The following FAT3 variants were observed in gnomAD, a reference collection of about 807,000 sequenced individuals.
FAT3 encodes the protein FAT atypical cadherin 3, also known as protocadherin Fat 3.
FAT3 carries 95 observed loss-of-function variants against 310.2 expected under a neutral mutation model. That is an observed-to-expected ratio of 0.31 (90% confidence interval 0.26 to 0.36). The LOEUF is 0.36. FAT3 is among the 10% of genes least tolerant of loss of function. The pLI is 1.00. For missense variants in FAT3, 5,408 were observed against 5,715.6 expected, an observed-to-expected ratio of 0.95 and a Z score of 1.74; for synonymous variants, 2,314 against 2,192.9, an observed-to-expected ratio of 1.06 and a Z score of -1.54.
chr11:92,645,388 TG>T (rs1942112806), intron 3 of FAT3, among the ~76,000 whole-genome samples: 1 of 152,120 alleles, frequency 6.6e-6, no homozygotes, highest in Non-Finnish European at 1.5e-5. Context: ...CATTCTACGC[TG>T]GTTAGGGAAT....
intron 3 of FAT3, among the ~76,000 whole-genome samples, chr11:92,550,034 A>C (rs1954752278): frequency 6.6e-6 from 1 of 152,144 alleles, no homozygotes; most frequent in Admixed American, 6.5e-5. Context: ...GATTAATCCC[A>C]CTTCTGATAT....
At chr11:92,824,122 T>A (rs4237553) in intron 13 of FAT3, among the ~76,000 whole-genome samples, 2 of 151,976 alleles carry the variant, frequency 1.3e-5, no homozygotes, top group Admixed American at 6.6e-5. Flanking sequence ...TTTGGGAGGC[T>A]GAGGTGGGTG....
At chr11:92,679,301 T>C (rs1030580297) in intron 3 of FAT3, among the ~76,000 whole-genome samples, 3 of 152,090 alleles carry the variant, frequency 2.0e-5, no homozygotes, top group Non-Finnish European at 2.9e-5. Flanking sequence ...ATTTATTTAT[T>C]TATTGGAAGA....
chr11:92,240,269 T>G (rs1476038509), intron 1 of FAT3, among the ~76,000 whole-genome samples: 2 of 152,094 alleles, frequency 1.3e-5, no homozygotes, highest in African/African-American at 4.8e-5. Flanking sequence ...GAAGTGAACT[T>G]GTGACATTTA....
At chr11:92,732,855 A>T (rs998488606) in intron 4 of FAT3, among the ~76,000 whole-genome samples, 3 of 152,178 alleles carry the variant, frequency 2.0e-5, no homozygotes, top group Non-Finnish European at 4.4e-5. Flanking sequence ...TCCAAGGGAC[A>T]GTTTGATAAG....
intron 3 of FAT3, among the ~76,000 whole-genome samples, chr11:92,639,959 G>A (rs918217397): frequency 1.3e-5 from 2 of 152,102 alleles, no homozygotes; most frequent in African/African-American, 2.4e-5. Flanking sequence ...TTTCCCTAAT[G>A]GCTTATACAT....
In FAT3 at chr11:92,375,043, G is replaced by GCA. The variant is rs577990563; in HGVS notation, c.3292+19653_3292+19654dup. Among the ~76,000 whole-genome samples the GCA allele has an allele frequency of 2.0e-3, 304 of 151,196 alleles. 3 individuals carry two copies. In the East Asian group the frequency reaches 0.022, roughly 11 times the overall value. On this transcript the variant is annotated intron_variant, in intron 2 of 27. Transcript: ENST00000525166. ...TGCTGACCTGTTTAATAAAACATGC[G>GCA]CACACACACACACACCATACCTAAA...
intron 3 of FAT3, among the ~76,000 whole-genome samples, chr11:92,697,156 G>A (rs533786451): frequency 7.7e-4 from 117 of 152,242 alleles, no homozygotes; most frequent in Non-Finnish European, 1.5e-3. Flanking sequence ...CCCAAAGTGG[G>A]ATGTACCCCA....
intron 4 of FAT3, among the ~76,000 whole-genome samples, chr11:92,748,504 C>A (rs149531621): frequency 1.3e-5 from 2 of 152,028 alleles, no homozygotes; most frequent in African/African-American, 4.8e-5. Flanking sequence ...TCCTTTGAAC[C>A]CTCATTCTTT....
At chr11:92,527,701 C>G (rs2135372469) in intron 3 of FAT3, among the ~76,000 whole-genome samples, 1 of 152,196 alleles carries the variant, frequency 6.6e-6, no homozygotes. Context: ...AAGGAACTCT[C>G]TAATAGAAGT....
intron 2 of FAT3, among the ~76,000 whole-genome samples, chr11:92,430,520 T>A (rs186359046): frequency 1.6e-3 from 245 of 152,202 alleles, no homozygotes; most frequent in African/African-American, 5.3e-3. Context: ...GGTTTTTTTT[T>A]AATATATACT....
chr11:92,624,199 C>A (rs1941219833), intron 3 of FAT3, among the ~76,000 whole-genome samples: 1 of 152,110 alleles, frequency 6.6e-6, no homozygotes, highest in South Asian at 2.1e-4. Flanking sequence ...CTCAGAGAAG[C>A]CCTTGAAAGT....
chr11:92,355,787 A>G (rs1205937864), intron 2 of FAT3, among the ~76,000 whole-genome samples: 1 of 152,182 alleles, frequency 6.6e-6, no homozygotes, highest in Non-Finnish European at 1.5e-5. Context: ...GAAGTGTGAA[A>G]TGGATTTTCA....
At chr11:92,600,923 G>A (rs920614905) in intron 3 of FAT3, among the ~76,000 whole-genome samples, 5 of 152,108 alleles carry the variant, frequency 3.3e-5, no homozygotes, top group African/African-American at 1.2e-4. Flanking sequence ...CTAGCTCTGG[G>A]AAGAATGGAG....
intron 4 of FAT3, among the ~76,000 whole-genome samples, chr11:92,725,193 G>A (rs1050121465): frequency 6.6e-6 from 1 of 152,180 alleles, no homozygotes; most frequent in Non-Finnish European, 1.5e-5. Context: ...TGTTAAAACT[G>A]TGAGATCATT....
intron 3 of FAT3, among the ~76,000 whole-genome samples, chr11:92,695,649 C>G (rs1943915859): frequency 6.6e-6 from 1 of 152,170 alleles, no homozygotes; most frequent in Non-Finnish European, 1.5e-5. Context: ...TTTTCATTAA[C>G]TAAGCATTAA....
chr11:92,253,877 A>C (rs938609193), intron 1 of FAT3, among the ~76,000 whole-genome samples: 1 of 152,310 alleles, frequency 6.6e-6, no homozygotes, highest in East Asian at 1.9e-4. Context: ...TAGAATATTC[A>C]GTTGGAAAAG....
Position 92,354,474 on chromosome 11 carries a change from C to T in FAT3, c.2362C>T (p.Pro788Ser), listed in dbSNP as rs572604827. The T allele has an allele frequency of 5.6e-6, 9 of 1,613,730 alleles. No homozygotes were observed. The East Asian group carries it at 6.7e-5, about 12-fold the overall frequency. The change falls in exon 2 of 28, where the codon CCC (proline) becomes TCC (serine). Residue 788 changes from proline to serine, a missense_variant. Pro to Ser is a moderately conservative substitution (Grantham distance 74, BLOSUM62 -1). This residue lies in a region of FAT3 where 4,588 missense variants were observed against 4,809.8 expected (regional missense o/e 0.95). Coordinates refer to ENST00000525166, the MANE Select transcript of FAT3 (RefSeq NM_001367949.2). ...GACTGGGCAGCTTAAAGTCCTTATG[C>T]CCATGGATCGAGAACACACAGACCT... is the stretch of plus-strand genomic sequence containing the variant. ...METGQLKVLM[P>S]MDREHTDLYL...
At chr11:92,595,786 C>G (rs1369867266) in intron 3 of FAT3, among the ~76,000 whole-genome samples, 1 of 152,154 alleles carries the variant, frequency 6.6e-6, no homozygotes, top group Admixed American at 6.5e-5. Context: ...ACCTTCACAA[C>G]TGACACCTGA....
Sources: allele counts gnomAD v4.1 joint callset (sites outside exome capture counted in the v4.1 genomes callset), GRCh38; gene constraint gnomAD v4.1.1; regional missense constraint gnomAD v4.1.1; transcripts MANE v1.5; gene names NCBI Gene and HGNC (gene_info 2026-07-23, HGNC 2026-07-21).